The following ITIH5 variants were observed in gnomAD, a reference collection of about 807,000 sequenced individuals.
ITIH5 encodes inter-alpha-trypsin inhibitor heavy chain H5.
ITIH5 carries 65 observed loss-of-function variants against 77.5 expected under a neutral mutation model. The ratio of observed to expected loss-of-function variants is 0.84; its 90% CI spans 0.69 to 1.03. The LOEUF (loss-of-function observed/expected upper bound fraction) is 1.03, where lower values mean the gene tolerates loss of function less well. ITIH5 is among the 50% of genes least tolerant of loss of function. The pLI is 0.00. For missense variants in ITIH5, 1,208 were observed against 1,213.1 expected, an observed-to-expected ratio of 1.00 and a Z score of 0.06; for synonymous variants, 525 against 494.3, an observed-to-expected ratio of 1.06 and a Z score of -0.82.
At chr10:7,656,191 T>C (rs965104045) in intron 1 of ITIH5, among the ~76,000 whole-genome samples, 1 of 152,200 alleles carries the variant, frequency 6.6e-6, no homozygotes, top group Non-Finnish European at 1.5e-5. Flanking sequence ...TGCTTCCACA[T>C]GCCGGGGAGG....
At chr10:7,623,404 T>C (rs1336976132) in intron 5 of ITIH5, among the ~76,000 whole-genome samples, 1 of 152,192 alleles carries the variant, frequency 6.6e-6, no homozygotes, top group Non-Finnish European at 1.5e-5. Context: ...ATTGGAGCAC[T>C]ACCCTCTGAG....
chr10:7,641,176 CG>C (rs141207221), intron 3 of ITIH5, among the ~76,000 whole-genome samples: 1,663 of 152,206 alleles, frequency 0.011, 33 homozygotes, highest in East Asian at 0.087. Flanking sequence ...ACACCTAGCC[CG>C]TTTTACATAT....
At chr10:7,602,146 G>A (rs1373379996) in intron 7 of ITIH5, among the ~76,000 whole-genome samples, 1 of 152,204 alleles carries the variant, frequency 6.6e-6, no homozygotes, top group East Asian at 1.9e-4. Flanking sequence ...GAGCCACCAT[G>A]CCTGGCCTAA....
chr10:7,594,155 T>G (rs1015106445), intron 7 of ITIH5, among the ~76,000 whole-genome samples: 4 of 152,230 alleles, frequency 2.6e-5, no homozygotes, highest in African/African-American at 9.6e-5. Flanking sequence ...TTGTGTCCTC[T>G]GAGCCTGTCC....
At chr10:7,650,417 C>T (rs1564280885) in intron 2 of ITIH5, among the ~76,000 whole-genome samples, 1 of 152,142 alleles carries the variant, frequency 6.6e-6, no homozygotes, top group Non-Finnish European at 1.5e-5. Context: ...TCTCTACTAA[C>T]CCTTAATGCT....
At chr10:7,655,339 A>T (rs936273231) in intron 2 of ITIH5, among the ~76,000 whole-genome samples, 3 of 152,192 alleles carry the variant, frequency 2.0e-5, no homozygotes, top group African/African-American at 7.2e-5. Flanking sequence ...CTGAGTAAGG[A>T]TGTCATAAAA....
At chr10:7,597,540 T>C (rs1050723641) in intron 7 of ITIH5, among the ~76,000 whole-genome samples, 8 of 141,704 alleles carry the variant, frequency 5.6e-5, no homozygotes, top group African/African-American at 2.0e-4. Flanking sequence ...CACAGCATGG[T>C]CCCAAGTCAC....
chr10:7,574,688 G>A lies in ITIH5; in HGVS notation c.1979-1493C>T, dbSNP rs185214057. Among the ~76,000 whole-genome samples the A allele has an allele frequency of 1.6e-3, 239 of 151,450 alleles. 1 individual carries two copies. The highest frequency in any genetic ancestry group is 3.1e-3 in the Non-Finnish European group (211 of 67,892). On this transcript the variant is annotated intron_variant, in intron 10 of 13. Coordinates refer to ENST00000397146, the MANE Select transcript of ITIH5 (RefSeq NM_030569.7). Reference sequence around the variant, plus strand: ...GGCACCCGTAGTCCCAGCTACTTGGGAGGCTGAGGCAGGAGAATAGCGTGA... The same window carrying A: ...GGCACCCGTAGTCCCAGCTACTTGGAAGGCTGAGGCAGGAGAATAGCGTGA...
At chr10:7,619,714 C>T (rs551341524) in intron 5 of ITIH5, 5 of 198,220 alleles carry the variant, frequency 2.5e-5, no homozygotes, top group African/African-American at 6.9e-5. Flanking sequence ...CATGAGATCT[C>T]GTGAGAACTC....
chr10:7,630,529 T>C (rs954019886), intron 5 of ITIH5, among the ~76,000 whole-genome samples: 5 of 152,196 alleles, frequency 3.3e-5, no homozygotes, highest in African/African-American at 9.7e-5. Flanking sequence ...CATCCTAGGG[T>C]GTGAGAAGTG....
At chr10:7,632,874 G>T (rs1345389890) in intron 5 of ITIH5, among the ~76,000 whole-genome samples, 1 of 152,128 alleles carries the variant, frequency 6.6e-6, no homozygotes, top group East Asian at 1.9e-4. Context: ...TAGTCATTGG[G>T]GATCTTGTCA....
chr10:7,628,970 A>G (rs200252436), intron 5 of ITIH5, among the ~76,000 whole-genome samples: 37 of 123,218 alleles, frequency 3.0e-4, no homozygotes, highest in African/African-American at 4.8e-4. Flanking sequence ...TCCGTGTTGT[A>G]GCATGTGTCC....
intron 7 of ITIH5, among the ~76,000 whole-genome samples, chr10:7,589,442 G>C (rs968279284): frequency 2.6e-5 from 4 of 152,282 alleles, no homozygotes; most frequent in African/African-American, 9.6e-5. Flanking sequence ...CTGGGCGACA[G>C]AGCGAGACTC....
intron 8 of ITIH5, among the ~76,000 whole-genome samples, chr10:7,584,591 C>T (rs7076045): frequency 0.36 from 55,055 of 151,866 alleles, 10,357 homozygotes; most frequent in East Asian, 0.49. Context: ...AAGTGTGAGC[C>T]ACCCCACCCG....
In ITIH5 at chr10:7,585,847, A is replaced by C. The variant is rs1409489970; in HGVS notation, c.1108+54T>G. ...TGGCAAAAAAAAAAAAAAACCAAAA[A>C]AAAAAACATTATTTCAAAGCCAAGC... is the stretch of plus-strand genomic sequence containing the variant. On this transcript the variant is annotated intron_variant, in intron 8 of 13. Coordinates refer to ENST00000397146, the MANE Select transcript of ITIH5 (RefSeq NM_030569.7). 9 of 1,495,242 alleles carry C rather than the reference A, an allele frequency of 6.0e-6. No individual in the cohort carries two copies. The East Asian group carries it at 6.9e-5, about 12-fold the overall frequency. The allele number at this position is 1,495,242 out of a possible 1,614,324, so 92.6% of individuals were successfully genotyped here. A position where few individuals can be genotyped will look rare whatever the true frequency, so the allele number is the denominator to read the frequency against.
intron 5 of ITIH5, among the ~76,000 whole-genome samples, chr10:7,623,270 G>A (rs1256010790): frequency 6.6e-6 from 1 of 152,146 alleles, no homozygotes; most frequent in African/African-American, 2.4e-5. Flanking sequence ...CCCAACACAC[G>A]CTGCCTGCTC....
At chr10:7,637,530 CA>C (rs779110642) in intron 4 of ITIH5, 52 bp from the exon 5 acceptor site, 7 of 1,569,194 alleles carry the variant, frequency 4.5e-6, no homozygotes, top group African/African-American at 1.4e-5. Context: ...AGGATAGAGC[CA>C]GGTTCCCTCA....
intron 10 of ITIH5, among the ~76,000 whole-genome samples, chr10:7,574,489 TAAAAAAC>T (rs928501928): frequency 3.3e-5 from 5 of 151,950 alleles, no homozygotes; most frequent in African/African-American, 1.2e-4. Flanking sequence ...AATCTTCATT[TAAAAAAC>T]AAAAAACAAA....
At chr10:7,663,272 C>T (rs1169865624) in intron 1 of ITIH5, among the ~76,000 whole-genome samples, 1 of 152,208 alleles carries the variant, frequency 6.6e-6, no homozygotes, top group Non-Finnish European at 1.5e-5. Flanking sequence ...TACATTGAGA[C>T]ATTACAGCGG....
Sources: allele counts gnomAD v4.1 joint callset (sites outside exome capture counted in the v4.1 genomes callset), GRCh38; gene constraint gnomAD v4.1.1; transcripts MANE v1.5; gene names NCBI Gene and HGNC (gene_info 2026-07-23, HGNC 2026-07-21).